RFX2: variants seen among roughly 807,000 people sequenced by gnomAD.
RFX2 encodes regulatory factor X2, also known as DNA-binding protein RFX2.
A neutral mutation model predicts 87.8 loss-of-function variants in RFX2; 20 were observed. The observed-to-expected ratio is 0.23, with a 90% confidence interval of 0.16 to 0.33. The LOEUF (loss-of-function observed/expected upper bound fraction) is 0.33. RFX2 is among the 10% of genes least tolerant of loss of function. The pLI is 1.00. For missense variants in RFX2, 767 were observed against 1,012.3 expected (o/e 0.76, Z 3.29); for synonymous variants, 397 against 431.3 (o/e 0.92, Z 0.98).
chr19:6,055,771 T>A (rs187771159), intron 1 of RFX2, among the ~76,000 whole-genome samples: 1 of 152,148 alleles, frequency 6.6e-6, no homozygotes. Context: ...CAGATTATGA[T>A]GATTTAAAGA....
chr19:6,096,886 T>C (rs1173739899), intron 1 of RFX2, among the ~76,000 whole-genome samples: 1 of 152,118 alleles, frequency 6.6e-6, no homozygotes, highest in Non-Finnish European at 1.5e-5. Context: ...CTTAAGGCCA[T>C]TGTTGAGGGC....
chr19:6,106,218 T>TGAATA (rs2088213903), intron 1 of RFX2, among the ~76,000 whole-genome samples: 1 of 147,498 alleles, frequency 6.8e-6, no homozygotes, highest in South Asian at 2.2e-4. Flanking sequence ...CAGTGTATAT[T>TGAATA]CCATCGGCCT....
intron 1 of RFX2, among the ~76,000 whole-genome samples, chr19:6,089,122 T>C (rs2087897313): frequency 6.6e-6 from 1 of 152,266 alleles, no homozygotes; most frequent in Admixed American, 6.5e-5. Flanking sequence ...ATGGGCTAGT[T>C]TGCCCACTCT....
intron 1 of RFX2, among the ~76,000 whole-genome samples, chr19:6,080,698 G>A (rs780363424): frequency 6.6e-6 from 1 of 152,136 alleles, no homozygotes; most frequent in Non-Finnish European, 1.5e-5. Flanking sequence ...CAAAGGTCTT[G>A]CAGCAGCAGA....
At chr19:6,057,675 C>A (rs979607328) in intron 1 of RFX2, among the ~76,000 whole-genome samples, 1 of 152,202 alleles carries the variant, frequency 6.6e-6, no homozygotes, top group Non-Finnish European at 1.5e-5. Flanking sequence ...TACTCGCTGG[C>A]CTCCAGATGG....
In RFX2 at chr19:6,004,119, G is replaced by A; in HGVS notation, c.1500+82C>T. ...GCAGGGAAGAAGCCAGCGCTCTCTG[G>A]GACACAGTGGTCCTCATGCTGTCCT... On this transcript the variant is annotated intron_variant, in intron 13 of 17. Coordinates refer to ENST00000303657, the MANE Select transcript of RFX2 (RefSeq NM_000635.4). The surrounding 1 kb of genome is among the most constrained non-coding windows in gnomAD (Gnocchi z 4.8). 1 of 1,061,432 alleles carries A rather than the reference G, an allele frequency of 9.4e-7. No homozygotes were observed. The highest frequency in any genetic ancestry group is 1.5e-6 in the Non-Finnish European group (1 of 678,662). The allele number at this position is 1,061,432 out of a possible 1,614,324, so 65.8% of individuals were successfully genotyped here. A position where few individuals can be genotyped will look rare whatever the true frequency, so the allele number is the denominator to read the frequency against.
intron 1 of RFX2, among the ~76,000 whole-genome samples, chr19:6,095,663 T>C (rs1409471608): frequency 6.6e-6 from 1 of 151,406 alleles, no homozygotes; most frequent in African/African-American, 2.4e-5. Flanking sequence ...TGGGTGGAGC[T>C]CGGGGAATAA....
chr19:6,070,997 G>A (rs945142023), intron 1 of RFX2, among the ~76,000 whole-genome samples: 3 of 152,178 alleles, frequency 2.0e-5, no homozygotes, highest in Non-Finnish European at 2.9e-5. Context: ...GACTGCAGGC[G>A]TGAGCCCCCG....
chr19:6,059,827 G>A (rs775961919), intron 1 of RFX2, among the ~76,000 whole-genome samples: 7 of 151,896 alleles, frequency 4.6e-5, no homozygotes, highest in Non-Finnish European at 1.0e-4. Flanking sequence ...ACCACCTGAC[G>A]CAGGATAATA....
intron 1 of RFX2, among the ~76,000 whole-genome samples, chr19:6,081,683 C>T (rs764813641): frequency 4.6e-5 from 7 of 152,210 alleles, no homozygotes; most frequent in Non-Finnish European, 8.8e-5. Context: ...CTGGGCGCGG[C>T]GGCTCATGCC....
rs893530660 is a variant in RFX2 at position 5,998,135 on chromosome 19, C to G, written c.1860-922G>C. ...CCAGCCTGGCCAACATGGTGAAACG[C>G]CATCTCTACTAAGAATACAAAAATT... On this transcript the variant is annotated intron_variant, in intron 15 of 17. Coordinates refer to ENST00000303657, the MANE Select transcript of RFX2 (RefSeq NM_000635.4). This position sits in a 1 kb window ranked among gnomAD's most constrained non-coding sequence, Gnocchi z 4.2. 6.6e-6 allele frequency among the ~76,000 whole-genome samples: 1 copy of G among 152,106 alleles called. No individual in the cohort carries two copies.
intron 1 of RFX2, among the ~76,000 whole-genome samples, chr19:6,053,487 A>G (rs1028302311): frequency 3.9e-5 from 6 of 152,220 alleles, no homozygotes; most frequent in Admixed American, 3.9e-4. Flanking sequence ...GAAACTATGG[A>G]CTTTGGGTGA....
In RFX2 at chr19:6,026,086, C is replaced by T. The variant is rs1406871726; in HGVS notation, c.597+77G>A. 7.8e-7 allele frequency: 1 copy of T among 1,285,834 alleles called. No homozygotes were observed. The highest frequency in any genetic ancestry group is 2.3e-5 in the East Asian group (1 of 43,066). 79.7% of individuals were successfully genotyped at this position (1,285,834 alleles called of 1,614,324 possible). On this transcript the variant is annotated intron_variant, in intron 6 of 17. Coordinates refer to ENST00000303657, the MANE Select transcript of RFX2 (RefSeq NM_000635.4). This position sits in a 1 kb window ranked among gnomAD's most constrained non-coding sequence, Gnocchi z 4.5. ...AGGTGTGAGCCACCGCACCTGGTTGCCTTCATTTGTCTTAAAAATGTCTAT... is the reference window on the plus strand; with the variant it reads ...AGGTGTGAGCCACCGCACCTGGTTGTCTTCATTTGTCTTAAAAATGTCTAT...
rs749128565 is a variant in RFX2 at position 6,002,700 on chromosome 19, G to A, written c.1650+21C>T. ...GGAGGGCGGGAAGCCCGGGCCCTGGGGACGGTGTGGAGGAAGTCACCTGCA... is the reference window on the plus strand; with the variant it reads ...GGAGGGCGGGAAGCCCGGGCCCTGGAGACGGTGTGGAGGAAGTCACCTGCA... On this transcript the variant is annotated intron_variant, in intron 14 of 17. Transcript: ENST00000303657. The surrounding 1 kb of genome is among the most constrained non-coding windows in gnomAD (Gnocchi z 6.7). 6.2e-7 allele frequency: 1 copy of A among 1,611,302 alleles called. No individual in the cohort carries two copies. The highest frequency in any genetic ancestry group is 1.1e-5 in the South Asian group (1 of 90,968).
chr19:6,001,391 A>G lies in RFX2; in HGVS notation c.1859+424T>C, dbSNP rs560550208. 6.6e-5 allele frequency among the ~76,000 whole-genome samples: 10 copies of G among 152,296 alleles called. No individual in the cohort carries two copies. In the East Asian group the frequency reaches 1.7e-3, roughly 26 times the overall value. ...ATCCTTCCACCTCAGCCTCACAAGTATCTGGGACCACAGGCACATGCCACC... is the reference window on the plus strand; with the variant it reads ...ATCCTTCCACCTCAGCCTCACAAGTGTCTGGGACCACAGGCACATGCCACC... On this transcript the variant is annotated intron_variant, in intron 15 of 17. Transcript: ENST00000303657. The surrounding 1 kb of genome is among the most constrained non-coding windows in gnomAD (Gnocchi z 5.6).
chr19:6,046,159 CTTAT>C (rs1057448837), intron 2 of RFX2, among the ~76,000 whole-genome samples: 1 of 152,192 alleles, frequency 6.6e-6, no homozygotes, highest in Non-Finnish European at 1.5e-5. Context: ...TTCTTTATGG[CTTAT>C]TTCATTCCAC....
chr19:6,088,181 A>G (rs2087881719), intron 1 of RFX2, among the ~76,000 whole-genome samples: 1 of 149,860 alleles, frequency 6.7e-6, no homozygotes, highest in Admixed American at 6.6e-5. Flanking sequence ...ACAAAGAAGA[A>G]TGCCACAGAG....
chr19:6,065,218 C>T (rs1270306779), intron 1 of RFX2, among the ~76,000 whole-genome samples: 1 of 152,124 alleles, frequency 6.6e-6, no homozygotes, highest in Admixed American at 6.5e-5. Context: ...GGTTGCAGGA[C>T]AAATAATGTA....
At position 6,004,454 on chromosome 19, in the gene RFX2, G is replaced by A. The variant is rs929106707; in HGVS notation, c.1403-156C>T. ...CGGGGAACCGAGGACACTTAGAAAC[G>A]GGAAGAACCAGGCATGGCCCAGCGC... On this transcript the variant is annotated intron_variant, in intron 12 of 17. Coordinates refer to ENST00000303657, the MANE Select transcript of RFX2 (RefSeq NM_000635.4). This position sits in a 1 kb window ranked among gnomAD's most constrained non-coding sequence, Gnocchi z 4.8. 1.5e-4 allele frequency among the ~76,000 whole-genome samples: 23 copies of A among 152,232 alleles called. No individual in the cohort carries two copies. The highest frequency in any genetic ancestry group is 7.9e-4 in the Admixed American group (12 of 15,280).
Sources: allele counts gnomAD v4.1 joint callset (sites outside exome capture counted in the v4.1 genomes callset), GRCh38; gene constraint gnomAD v4.1.1; non-coding constraint Gnocchi (gnomAD v3.1); transcripts MANE v1.5; gene names NCBI Gene and HGNC (gene_info 2026-07-23, HGNC 2026-07-21).